LNX2: variants seen among roughly 807,000 people sequenced by gnomAD.
LNX2 encodes ligand of numb-protein X 2, also known as ligand of Numb protein X 2.
In LNX2, 35 loss-of-function variants were observed where a neutral mutation model predicts 66.2. That is an observed-to-expected ratio of 0.53 (90% CI 0.40 to 0.70). The LOEUF is 0.70. Among genes scored for constraint, LNX2 ranks in the 30% least tolerant of loss-of-function variants. The pLI is 0.00. For missense variants in LNX2, 791 were observed against 850.8 expected (o/e 0.93, Z 0.87); for synonymous variants, 337 against 315.6 (o/e 1.07, Z -0.72).
At chr13:27,550,243 G>A (rs1249954810) in intron 9 of LNX2, 90 bp downstream of exon 9, 1 of 1,126,550 alleles carries the variant, frequency 8.9e-7, no homozygotes. Flanking sequence ...AAGATAATGG[G>A]CTGGATTTAG....
intron 1 of LNX2, among the ~76,000 whole-genome samples, chr13:27,599,089 T>C (rs1287514133): frequency 6.6e-6 from 1 of 152,198 alleles, no homozygotes; most frequent in African/African-American, 2.4e-5. Flanking sequence ...AATTATATGC[T>C]TCTGTGTTCA....
chr13:27,588,867 A>T (rs1192180115), intron 1 of LNX2, among the ~76,000 whole-genome samples: 2 of 152,244 alleles, frequency 1.3e-5, no homozygotes, highest in Non-Finnish European at 2.9e-5. Flanking sequence ...AAAGTAAAAA[A>T]CATAGAAGAA....
At chr13:27,565,020 T>A (rs1593243252) in intron 4 of LNX2, among the ~76,000 whole-genome samples, 2 of 152,170 alleles carry the variant, frequency 1.3e-5, no homozygotes, top group South Asian at 4.1e-4. Context: ...ACTTTTCTTA[T>A]CAATTTGAAT....
intron 1 of LNX2, among the ~76,000 whole-genome samples, chr13:27,598,400 G>A (rs1955622540): frequency 6.6e-6 from 1 of 152,150 alleles, no homozygotes; most frequent in Admixed American, 6.6e-5. Flanking sequence ...AAGGGGATGA[G>A]ACCGATGTCA....
At chr13:27,608,432 T>C (rs1955740467) in intron 1 of LNX2, among the ~76,000 whole-genome samples, 1 of 152,210 alleles carries the variant, frequency 6.6e-6, no homozygotes, top group Admixed American at 6.5e-5. Context: ...GAAAATATTA[T>C]TTTAAAAGAA....
intron 2 of LNX2, among the ~76,000 whole-genome samples, chr13:27,580,219 A>C (rs1955382457): frequency 6.6e-6 from 1 of 152,222 alleles, no homozygotes; most frequent in Non-Finnish European, 1.5e-5. Flanking sequence ...GTTTATTAGA[A>C]TAGTAAACAA....
rs56812051 is a variant in LNX2, at chr13:27,588,021, C to CAAAAAAAAAAAAAAAAAAAA, written c.-100-6238_-100-6219dup. 7.5e-5 allele frequency among the ~76,000 whole-genome samples: 7 copies of CAAAAAAAAAAAAAAAAAAAA among 93,526 alleles called. 1 individual carries two copies. Among genetic ancestry groups the CAAAAAAAAAAAAAAAAAAAA allele is most frequent in the African/African-American group, 1.5e-4 (4 of 26,270 alleles). The allele number at this position is 93,526 out of a possible 152,430, so 61.4% of individuals were successfully genotyped here. On this transcript the variant is annotated intron_variant, in intron 1 of 9. Transcript: ENST00000316334. Reference sequence around the variant, plus strand: ...GGGCAAGAGTGCGAGACTCTTGTCACAAAAAAAAAAAAAAAAAAAAAAAAA... The same window carrying CAAAAAAAAAAAAAAAAAAAA: ...GGGCAAGAGTGCGAGACTCTTGTCACAAAAAAAAAAAAAAAAAAAAAAAAAAAAAAAAAAAAAAAAAAAAA...
At chr13:27,609,908 AAAG>A (rs944180550) in intron 1 of LNX2, among the ~76,000 whole-genome samples, 32 of 152,364 alleles carry the variant, frequency 2.1e-4, no homozygotes, top group Admixed American at 8.5e-4. Context: ...TATACCGGAA[AAAG>A]AATAGGTCAG....
intron 1 of LNX2, among the ~76,000 whole-genome samples, chr13:27,599,564 T>C (rs996175040): frequency 6.6e-6 from 1 of 152,182 alleles, no homozygotes; most frequent in African/African-American, 2.4e-5. Flanking sequence ...AATATACTTA[T>C]GTTCTAACCA....
At chr13:27,556,576 T>C (rs991041921) in intron 6 of LNX2, among the ~76,000 whole-genome samples, 163 bp from the exon 7 acceptor site, 11 of 152,330 alleles carry the variant, frequency 7.2e-5, no homozygotes, top group African/African-American at 2.6e-4. Context: ...ATAAGTCTGC[T>C]GTGGATCAAT....
chr13:27,620,116 G>C (rs1335847840), intron 1 of LNX2, among the ~76,000 whole-genome samples: 1 of 151,684 alleles, frequency 6.6e-6, no homozygotes, highest in African/African-American at 2.4e-5. Context: ...CCCGCCTCCC[G>C]GGCGCCTGCA....
intron 8 of LNX2, 92 bp downstream of exon 8, chr13:27,553,116 T>A (rs77529740): frequency 1.4e-5 from 14 of 1,032,292 alleles, no homozygotes; most frequent in Admixed American, 2.4e-5. Context: ...CTTTTTTTTT[T>A]ATCCCAACGA....
At chr13:27,551,902 A>G (rs1955012522) in intron 8 of LNX2, among the ~76,000 whole-genome samples, 1 of 152,200 alleles carries the variant, frequency 6.6e-6, no homozygotes, top group South Asian at 2.1e-4. Flanking sequence ...AAAGCAGAGC[A>G]GAGCTGCTAC....
At position 27,556,341 on chromosome 13, in the gene LNX2, T is replaced by C; in HGVS notation, c.1441A>G (p.Met481Val). 1 of 1,614,038 alleles carries C rather than the reference T, an allele frequency of 6.2e-7. No homozygotes were observed. Among genetic ancestry groups the C allele is most frequent in the Non-Finnish European group, 8.5e-7 (1 of 1,179,972 alleles). ...VKKEPHESLG[M>V]TVAGGRGSKS... is the part of the protein sequence containing the mutation. ...CTTCCCCTGCCCCCAGCAACGGTCATGCCAAGGGATTCATGTGGTTCCTTC... is the reference window on the plus strand; with the variant it reads ...CTTCCCCTGCCCCCAGCAACGGTCACGCCAAGGGATTCATGTGGTTCCTTC... Residue 481 changes from methionine to valine, a missense_variant, in exon 7 of 10, where the codon ATG (methionine) becomes GTG (valine). Transcript: ENST00000316334.
At chr13:27,582,179 G>A (rs1315791207) in intron 1 of LNX2, among the ~76,000 whole-genome samples, 6 of 151,958 alleles carry the variant, frequency 3.9e-5, no homozygotes, top group African/African-American at 1.2e-4. Flanking sequence ...ACAGGTGCAC[G>A]CCACCATGTC....
intron 1 of LNX2, among the ~76,000 whole-genome samples, chr13:27,602,356 G>C (rs1476813253): frequency 6.6e-6 from 1 of 152,018 alleles, no homozygotes; most frequent in African/African-American, 2.4e-5. Context: ...GTTTTTTTAT[G>C]CCCTTCCCAG....
rs779509627 is a variant in LNX2, at chr13:27,559,921, A to G, written c.1289T>C (p.Ile430Thr). 12 of 1,611,752 alleles carry G rather than the reference A, an allele frequency of 7.4e-6. No individual in the cohort carries two copies. The highest frequency in any genetic ancestry group is 9.3e-6 in the Non-Finnish European group (11 of 1,178,392). ...GCTGCTATGATTTCCTGCTTCTCTA[A>G]TGGTGTTACCAGGCTGGGGTTTCCC... is the stretch of plus-strand genomic sequence containing the variant. Reference protein sequence around the residue: ...RPGKPQPGNTIREAGNHSSSS... With the variant: ...RPGKPQPGNTTREAGNHSSSS... Residue 430 changes from isoleucine (I) to threonine (T), a missense_variant, in exon 6 of 10, where the codon ATT becomes ACT. By Grantham distance (89) the Ile-to-Thr change is moderately conservative. Coordinates refer to ENST00000316334, the MANE Select transcript of LNX2 (RefSeq NM_153371.4).
At chr13:27,583,261 C>CGT (rs1555268534) in intron 1 of LNX2, among the ~76,000 whole-genome samples, 8,198 of 44,674 alleles carry the variant, frequency 0.18, 2,943 homozygotes, top group African/African-American at 0.31. Flanking sequence ...TGTGTGCGCG[C>CGT]GTCCTCTCCA....
At position 27,548,069 on chromosome 13, in the gene LNX2, C is replaced by G. The variant is rs891753746; in HGVS notation, c.*266G>C. The G allele has an allele frequency of 3.0e-5, 12 of 402,958 alleles. No homozygotes were observed. Among genetic ancestry groups the G allele is most frequent in the African/African-American group, 2.2e-4 (11 of 49,552 alleles). 25.0% of individuals were successfully genotyped at this position (402,958 alleles called of 1,614,324 possible). Reference sequence around the variant, plus strand: ...CAGTTTGGGTGAGCTTTGCTCATTACCATAGGTAACATTTTAACAACTAAG... The same window carrying G: ...CAGTTTGGGTGAGCTTTGCTCATTAGCATAGGTAACATTTTAACAACTAAG... On this transcript the variant is annotated 3_prime_UTR_variant, in exon 10 of 10. Transcript: ENST00000316334.
Sources: allele counts gnomAD v4.1 joint callset (sites outside exome capture counted in the v4.1 genomes callset), GRCh38; gene constraint gnomAD v4.1.1; transcripts MANE v1.5; gene names NCBI Gene and HGNC (gene_info 2026-07-23, HGNC 2026-07-21).